Variants in VGLL2 observed in about 807,000 individuals in gnomAD.
The protein encoded by VGLL2 is transcription cofactor vestigial-like protein 2.
Under a neutral mutation model 27.0 loss-of-function variants are expected in VGLL2, and 18 were observed. That is an observed-to-expected ratio of 0.67 (90% CI 0.46 to 0.99). The LOEUF (loss-of-function observed/expected upper bound fraction) is 0.99, where lower values mean the gene tolerates loss of function less well. VGLL2 is among the 50% of genes least tolerant of loss of function. The pLI is 0.00. For synonymous variants in VGLL2, 220 were observed against 201.1 expected (o/e 1.09, Z -0.80); for missense variants, 491 against 452.3 (o/e 1.09, Z -0.78).
intron 3 of VGLL2, chr6:117,272,194 T>A: frequency 2.1e-6 from 1 of 484,434 alleles, no homozygotes; most frequent in Non-Finnish European, 2.7e-6. Flanking sequence ...TTCCTCCTCC[T>A]CCTCTTCTTC....
chr6:117,269,350 A>T (rs1176760663), intron 2 of VGLL2, among the ~76,000 whole-genome samples: 1 of 152,194 alleles, frequency 6.6e-6, no homozygotes, highest in Non-Finnish European at 1.5e-5. Context: ...TTTGATGTGT[A>T]CCAAGCTGAG....
Position 117,270,637 on chromosome 6 carries a change from G to C in VGLL2, c.486G>C (p.Leu162=), listed in dbSNP as rs1773166917. ...TGCCCCCGCCGCTGGGCAGCCCTCT[G>C]GCCACCGCGCACTCGGAGCTGCCCT... ...APVPPPLGSP[L]ATAHSELPFA... is the part of the protein sequence containing the mutation. The change falls in exon 3 of 4, where the codon CTG becomes CTC. Residue 162 remains leucine (L), a synonymous_variant. Coordinates refer to ENST00000326274, the MANE Select transcript of VGLL2 (RefSeq NM_182645.3). 6.3e-7 allele frequency: 1 copy of C among 1,584,802 alleles called. No homozygotes were observed. The highest frequency in any genetic ancestry group is 2.3e-5 in the East Asian group (1 of 43,380).
At chr6:117,266,034 C>A (rs1459080396) in intron 1 of VGLL2, among the ~76,000 whole-genome samples, 190 bp downstream of exon 1, 1 of 152,240 alleles carries the variant, frequency 6.6e-6, no homozygotes, top group Non-Finnish European at 1.5e-5. Context: ...CTTTAGCTCG[C>A]CTGTTTGCTC....
intron 1 of VGLL2, among the ~76,000 whole-genome samples, chr6:117,266,140 T>A (rs1006284466): frequency 1.3e-5 from 2 of 152,200 alleles, no homozygotes; most frequent in Non-Finnish European, 2.9e-5. Context: ...TTAGGGTCTG[T>A]CGGACTCCAG....
chr6:117,272,310 T>A (rs1773220306), intron 3 of VGLL2, 144 bp from the exon 4 acceptor site: 1 of 1,511,980 alleles, frequency 6.6e-7, no homozygotes, highest in Non-Finnish European at 8.8e-7. Flanking sequence ...TATTTTCAGG[T>A]TTGCAGCCTC....
Position 117,273,548 on chromosome 6 carries a change from GA to G in VGLL2, c.*1055del, listed in dbSNP as rs1773248381. ...TGAGGAAGAAGAGACGAACATTAAA[GA>G]TGTCTATTTACTATGAGCTCACTGT... On this transcript the variant is annotated 3_prime_UTR_variant, in exon 4 of 4. Transcript: ENST00000326274. The G allele has an allele frequency of 1.3e-5, 2 of 152,328 alleles. No individual in the cohort carries two copies. The highest frequency in any genetic ancestry group is 4.8e-5 in the African/African-American group (2 of 41,576). 9.4% of individuals were successfully genotyped at this position (152,328 alleles called of 1,614,324 possible).
At chr6:117,265,903 T>C (rs2128516267) in intron 1 of VGLL2, 59 bp downstream of exon 1, 2 of 1,487,608 alleles carry the variant, frequency 1.3e-6, no homozygotes, top group South Asian at 1.1e-5. Flanking sequence ...TGCGGCGGCA[T>C]GGCCTGTACG....
chr6:117,271,347 T>A lies in VGLL2; in HGVS notation c.913+283T>A, dbSNP rs1195856876. Among the ~76,000 whole-genome samples the A allele has an allele frequency of 6.1e-5, 9 of 148,522 alleles. 1 individual carries two copies. The East Asian group carries it at 1.4e-3, about 23-fold the overall frequency. ...ATGATAATAATAATAATAATAATAA[T>A]AAAATTTAGTGGAAAAGTTCTAGCT... On this transcript the variant is annotated intron_variant, in intron 3 of 3. Transcript: ENST00000326274.
In VGLL2 at chr6:117,268,377, G is replaced by T. The variant is rs1773114375; in HGVS notation, c.277G>T (p.Gly93Trp). 1 of 1,613,932 alleles carries T rather than the reference G, an allele frequency of 6.2e-7. No individual in the cohort carries two copies. Among genetic ancestry groups the T allele is most frequent in the Non-Finnish European group, 8.5e-7 (1 of 1,180,016 alleles). ...SRCVLFTYFQGDISSVVDEHF... is the reference protein window; with the variant it reads ...SRCVLFTYFQWDISSVVDEHF... ...CTGCGTCCTCTTCACTTATTTCCAGGGGGACATCAGCTCCGTGGTGGATGA... is the reference window on the plus strand; with the variant it reads ...CTGCGTCCTCTTCACTTATTTCCAGTGGGACATCAGCTCCGTGGTGGATGA... The change falls in exon 2 of 4, where the codon GGG becomes TGG. Residue 93 changes from glycine to tryptophan, a missense_variant. Gly to Trp is a radical substitution (Grantham distance 184, BLOSUM62 -2). Transcript: ENST00000326274.
intron 2 of VGLL2, 35 bp downstream of exon 2, chr6:117,268,526 G>A (rs543252482): frequency 2.0e-6 from 3 of 1,526,992 alleles, no homozygotes; most frequent in Non-Finnish European, 2.6e-6. Flanking sequence ...GGACCCATAG[G>A]GGGTCCTCTC....
rs1246480059 is a variant in VGLL2, at chr6:117,270,739, C to A, written c.588C>A (p.His196Gln). ...LHQGATEPWH[H>Q]AHPHHAHPHH... ...AGGGCGCCACGGAGCCCTGGCACCACGCGCACCCGCACCACGCGCACCCGC... is the reference window on the plus strand; with the variant it reads ...AGGGCGCCACGGAGCCCTGGCACCAAGCGCACCCGCACCACGCGCACCCGC... Residue 196 changes from histidine (H) to glutamine (Q), a missense_variant, in exon 3 of 4, where the codon CAC becomes CAA. By Grantham distance (24) the His-to-Gln change is conservative. Transcript: ENST00000326274. 8 of 1,517,122 alleles carry A rather than the reference C, an allele frequency of 5.3e-6. No individual in the cohort carries two copies. Among genetic ancestry groups the A allele is most frequent in the Middle Eastern group, 2.2e-4 (1 of 4,546 alleles). 94.0% of individuals were successfully genotyped at this position (1,517,122 alleles called of 1,614,324 possible). A position where few individuals can be genotyped will look rare whatever the true frequency, so the allele number is the denominator to read the frequency against.
chr6:117,266,457 T>G (rs73563067), intron 1 of VGLL2, among the ~76,000 whole-genome samples: 1 of 152,226 alleles, frequency 6.6e-6, no homozygotes, highest in Non-Finnish European at 1.5e-5. Flanking sequence ...GGAGTGCGAA[T>G]GACCCGGCAG....
Position 117,265,592 on chromosome 6 carries a change from G to T in VGLL2, c.-172G>T. The T allele has an allele frequency of 4.8e-6, 3 of 620,830 alleles. No individual in the cohort carries two copies. The highest frequency in any genetic ancestry group is 4.4e-4 in the Middle Eastern group (1 of 2,286). 38.5% of individuals were successfully genotyped at this position (620,830 alleles called of 1,614,324 possible). A position where few individuals can be genotyped will look rare whatever the true frequency, so the allele number is the denominator to read the frequency against. On this transcript the variant is annotated 5_prime_UTR_variant, in exon 1 of 4. Transcript: ENST00000326274. Reference sequence around the variant, plus strand: ...CTGGAGCGCGGTCGGGAGTAAAATCGCAGGAGTGGGAGGGTAGCGAGCCAG... The same window carrying T: ...CTGGAGCGCGGTCGGGAGTAAAATCTCAGGAGTGGGAGGGTAGCGAGCCAG...
intron 3 of VGLL2, among the ~76,000 whole-genome samples, chr6:117,271,838 T>G (rs1489841272): frequency 6.6e-6 from 1 of 152,206 alleles, no homozygotes; most frequent in Non-Finnish European, 1.5e-5. Context: ...TAAAGAATAT[T>G]TTAAAATGAC....
In VGLL2 at chr6:117,272,594, C is replaced by T; in HGVS notation, c.*100C>T. 4.5e-6 allele frequency: 7 copies of T among 1,548,450 alleles called. No homozygotes were observed. The highest frequency in any genetic ancestry group is 6.2e-6 in the Non-Finnish European group (7 of 1,133,936). On this transcript the variant is annotated 3_prime_UTR_variant, in exon 4 of 4. Coordinates refer to ENST00000326274, the MANE Select transcript of VGLL2 (RefSeq NM_182645.3). ...CCGTGGATGAGGACATGGGGGAAGG[C>T]AGAGACTTCAGACTTCTCAGTGTGT...
In VGLL2 at chr6:117,270,765, A is replaced by C. The variant is rs1773172334; in HGVS notation, c.614A>C (p.His205Pro). Residue 205 changes from histidine (H) to proline (P), a missense_variant, in exon 3 of 4, where the codon CAT (histidine) becomes CCT (proline). His to Pro is a moderately conservative substitution (Grantham distance 77, BLOSUM62 -2). Transcript: ENST00000326274. ...HHAHPHHAHP[H>P]HPYALGGALG... ...GCGCACCCGCACCACGCGCACCCGC[A>C]TCACCCCTACGCCCTGGGCGGCGCC... The C allele has an allele frequency of 6.7e-7, 1 of 1,498,244 alleles. No individual in the cohort carries two copies. Among genetic ancestry groups the C allele is most frequent in the Non-Finnish European group, 8.8e-7 (1 of 1,132,984 alleles). The allele number at this position is 1,498,244 out of a possible 1,614,324, so 92.8% of individuals were successfully genotyped here.
chr6:117,268,560 C>A, intron 2 of VGLL2, 69 bp downstream of exon 2: 1 of 1,428,352 alleles, frequency 7.0e-7, no homozygotes, highest in East Asian at 2.5e-5. Flanking sequence ...CCTACAGGAG[C>A]CTAAAAACAT....
At position 117,272,652 on chromosome 6, in the gene VGLL2, C is replaced by A; in HGVS notation, c.*158C>A. The A allele has an allele frequency of 9.7e-7, 1 of 1,029,500 alleles. No homozygotes were observed. Among genetic ancestry groups the A allele is most frequent in the Non-Finnish European group, 1.4e-6 (1 of 707,484 alleles). The allele number at this position is 1,029,500 out of a possible 1,614,324, so 63.8% of individuals were successfully genotyped here. ...ACCAAAAACCACAACTACAGAAATT[C>A]ATCTAAAAATAAGTCCTGCTGCTGA... On this transcript the variant is annotated 3_prime_UTR_variant, in exon 4 of 4. Transcript: ENST00000326274.
rs942347001 is a variant in VGLL2 at position 117,266,401 on chromosome 6, G to A, written c.81+557G>A. The stretch of plus-strand genomic sequence containing the variant: ...GAGAATTCATTTCAAAGAGCACCGC[G>A]CAGTTTTATAATTTTTTCCTTTGCG... On this transcript the variant is annotated intron_variant, in intron 1 of 3. Coordinates refer to ENST00000326274, the MANE Select transcript of VGLL2 (RefSeq NM_182645.3). Among the ~76,000 whole-genome samples the A allele has an allele frequency of 2.0e-5, 3 of 152,186 alleles. No homozygotes were observed. The South Asian group carries it at 6.2e-4, about 32-fold the overall frequency.
Sources: gnomAD v4.1 joint callset for allele counts (sites outside exome capture counted in the v4.1 genomes callset) on GRCh38, gnomAD v4.1.1 for gene constraint, MANE v1.5 for transcripts, NCBI Gene and HGNC (gene_info 2026-07-23, HGNC 2026-07-21) for gene names.